Variants in MX2 observed in about 807,000 individuals in gnomAD.
MX2 encodes interferon-induced GTP-binding protein Mx2.
In MX2, 51 loss-of-function variants were observed where a neutral mutation model predicts 74.0. That is an observed-to-expected ratio of 0.69 (90% CI 0.55 to 0.87). The LOEUF is 0.87. Ranked by LOEUF, MX2 falls within the 40% of genes least tolerant of loss-of-function variation. MX2 has a pLI of 0.00. For synonymous variants in MX2, 369 were observed against 339.3 expected, an observed-to-expected ratio of 1.09 and a Z score of -0.96; for missense variants, 832 against 908.7, an observed-to-expected ratio of 0.92 and a Z score of 1.09.
At chr21:41,370,336 T>C (rs1454599612) in intron 1 of MX2, 5 of 152,212 alleles carry the variant, frequency 3.3e-5, no homozygotes, top group Admixed American at 3.3e-4. Context: ...ATTGTATCGC[T>C]AGGAGCCCCC....
chr21:41,397,486 C>A, intron 7 of MX2, 127 bp from the exon 8 acceptor site: 1 of 737,496 alleles, frequency 1.4e-6, no homozygotes, highest in Non-Finnish European at 2.3e-6. Flanking sequence ...TTCTTATGCA[C>A]CACTTGGCTT....
At position 41,380,424 on chromosome 21, in the gene MX2, C is replaced by A. The variant is rs780535731; in HGVS notation, c.577+273C>A. Among the ~76,000 whole-genome samples, 1 of 152,124 alleles carries A rather than the reference C, an allele frequency of 6.6e-6. No homozygotes were observed. Among genetic ancestry groups the A allele is most frequent in the East Asian group, 1.9e-4 (1 of 5,192 alleles). On this transcript the variant is annotated intron_variant, in intron 4 of 13. Coordinates refer to ENST00000330714, the MANE Select transcript of MX2 (RefSeq NM_002463.2). The surrounding 1 kb of genome is among the most constrained non-coding windows in gnomAD (Gnocchi z 4.3). ...GTGGCTGGCCTTACCTGTCCTCTCC[C>A]GCTCCCCGCCAGCCCAGGCTTTCTC... is the stretch of plus-strand genomic sequence containing the variant.
chr21:41,377,057 G>A lies in MX2; in HGVS notation c.151G>A (p.Gly51Arg). ...AATGATGTTTCCTCCAAACTGGCAG[G>A]GGGCAGAGAAGGACGCTGCTTTCCT... ...PQMMFPPNWQ[G>R]AEKDAAFLAK... is the part of the protein sequence containing the mutation. Residue 51 changes from glycine to arginine, a missense_variant, in exon 2 of 14, where the codon GGG becomes AGG. Gly to Arg is a moderately radical substitution (Grantham distance 125). Transcript: ENST00000330714. 6.2e-7 allele frequency: 1 copy of A among 1,614,220 alleles called. No individual in the cohort carries two copies. The highest frequency in any genetic ancestry group is 8.5e-7 in the Non-Finnish European group (1 of 1,180,038).
intron 10 of MX2, chr21:41,399,617 G>C: frequency 3.3e-6 from 1 of 300,438 alleles, no homozygotes; most frequent in Non-Finnish European, 6.4e-6. Context: ...CTAGGCTGGA[G>C]TGTAGTGGCG....
intron 12 of MX2, 180 bp downstream of exon 12, chr21:41,403,523 GCTT>G (rs1251717718): frequency 2.3e-5 from 17 of 752,282 alleles, no homozygotes; most frequent in Non-Finnish European, 3.9e-5. Context: ...TGCCTGCCTG[GCTT>G]CTGCTCAGGA....
chr21:41,395,602 C>A lies in MX2; in HGVS notation c.887C>A (p.Pro296Gln). Residue 296 changes from proline (P) to glutamine (Q), a missense_variant, in exon 7 of 14, where the codon CCA becomes CAA. Transcript: ENST00000330714. ...CATCTCACAGGTATCCTGACCAAAC[C>A]AGATCTAATGGACAGGGGCACTGAG... ...GDRTIGILTKPDLMDRGTEKS... is the reference protein window; with the variant it reads ...GDRTIGILTKQDLMDRGTEKS... The A allele has an allele frequency of 6.2e-7, 1 of 1,614,076 alleles. No homozygotes were observed. The highest frequency in any genetic ancestry group is 8.5e-7 in the Non-Finnish European group (1 of 1,180,012).
intron 1 of MX2, among the ~76,000 whole-genome samples, chr21:41,369,356 A>C (rs1419622308): frequency 6.6e-6 from 1 of 152,146 alleles, no homozygotes; most frequent in Admixed American, 6.5e-5. Flanking sequence ...CTCTGCTGGA[A>C]GATCCGCCCC....
At chr21:41,378,592 C>G (rs1270854906) in intron 3 of MX2, among the ~76,000 whole-genome samples, 1 of 152,164 alleles carries the variant, frequency 6.6e-6, no homozygotes, top group Non-Finnish European at 1.5e-5. Flanking sequence ...TATGAGACAC[C>G]TTTTCCTTGA....
chr21:41,369,679 G>A (rs1013064390), intron 1 of MX2, among the ~76,000 whole-genome samples: 4 of 152,116 alleles, frequency 2.6e-5, no homozygotes, highest in Non-Finnish European at 5.9e-5. Flanking sequence ...TGCCCCTGGG[G>A]CCTTCCTGCA....
At chr21:41,406,618 C>A in intron 12 of MX2, 126 bp from the exon 13 acceptor site, 1 of 1,007,070 alleles carries the variant, frequency 9.9e-7, no homozygotes, top group Non-Finnish European at 1.4e-6. Context: ...CATTTCAAGT[C>A]TCAGGACTTC....
At chr21:41,369,167 G>T (rs777510403) in intron 1 of MX2, among the ~76,000 whole-genome samples, 6 of 152,244 alleles carry the variant, frequency 3.9e-5, no homozygotes, top group Non-Finnish European at 8.8e-5. Context: ...AACAGGAAGT[G>T]CTTTCAGCCC....
At chr21:41,406,714 G>A (rs1377025740) in intron 12 of MX2, 30 bp from the exon 13 acceptor site, 5 of 1,596,534 alleles carry the variant, frequency 3.1e-6, no homozygotes, top group Non-Finnish European at 4.3e-6. Flanking sequence ...AGAAAAAGAA[G>A]TAATGTGTTT....
At chr21:41,371,177 A>T (rs577811525) in intron 1 of MX2, among the ~76,000 whole-genome samples, 1 of 152,326 alleles carries the variant, frequency 6.6e-6, no homozygotes, top group Non-Finnish European at 1.5e-5. Context: ...AAGTTCAATC[A>T]TTATCTGGTC....
intron 7 of MX2, among the ~76,000 whole-genome samples, chr21:41,397,218 G>A (rs1278919409): frequency 1.3e-5 from 2 of 152,188 alleles, no homozygotes; most frequent in East Asian, 3.9e-4. Flanking sequence ...CTCTAAAGTG[G>A]GTTGTTAAAT....
chr21:41,407,943 C>A, intron 13 of MX2, 48 bp from the exon 14 acceptor site: 5 of 1,608,762 alleles, frequency 3.1e-6, no homozygotes, highest in Non-Finnish European at 3.4e-6. Context: ...CAACCACAGG[C>A]CTTGGGCTGA....
At position 41,376,927 on chromosome 21, in the gene MX2, T is replaced by C; in HGVS notation, c.21T>C (p.Pro7=). The stretch of plus-strand genomic sequence containing the variant: ...AGCACATGTCTAAGGCCCACAAGCC[T>C]TGGCCCTACCGGAGGAGAAGTCAAT... The part of the protein sequence containing the change: MSKAHK[P]WPYRRRSQFS... The change falls in exon 2 of 14, where the codon CCT becomes CCC. Residue 7 remains proline (P), a synonymous_variant. Transcript: ENST00000330714. The C allele has an allele frequency of 6.2e-7, 1 of 1,613,968 alleles. No individual in the cohort carries two copies. Among genetic ancestry groups the C allele is most frequent in the Non-Finnish European group, 8.5e-7 (1 of 1,180,024 alleles).
At chr21:41,391,387 AG>A (rs1354547628) in intron 6 of MX2, among the ~76,000 whole-genome samples, 1 of 146,986 alleles carries the variant, frequency 6.8e-6, no homozygotes, top group Non-Finnish European at 1.5e-5. Flanking sequence ...AATAAATATT[AG>A]CTTTTTTTTT....
intron 10 of MX2, 57 bp downstream of exon 10, chr21:41,399,394 C>T: frequency 7.7e-6 from 12 of 1,552,310 alleles, no homozygotes; most frequent in Non-Finnish European, 1.1e-5. Flanking sequence ...AGACCAGAGG[C>T]TATGTCCAGC....
intron 8 of MX2, 75 bp from the exon 9 acceptor site, chr21:41,398,822 C>T (rs897472434): frequency 6.4e-7 from 1 of 1,561,616 alleles, no homozygotes; most frequent in Non-Finnish European, 8.7e-7. Context: ...TAAAGGGCTC[C>T]TACTCATATA....
Sources: gnomAD v4.1 joint callset for allele counts (sites outside exome capture counted in the v4.1 genomes callset) on GRCh38, gnomAD v4.1.1 for gene constraint, Gnocchi (gnomAD v3.1) non-coding constraint, MANE v1.5 for transcripts, NCBI Gene and HGNC (gene_info 2026-07-23, HGNC 2026-07-21) for gene names.